WWP1: variants seen among roughly 807,000 people sequenced by gnomAD.
WWP1 encodes NEDD4-like E3 ubiquitin-protein ligase WWP1.
WWP1 carries 49 observed loss-of-function variants against 130.6 expected under a neutral mutation model. The ratio of observed to expected loss-of-function variants is 0.38; its 90% CI spans 0.30 to 0.48. The LOEUF is 0.48. Ranked by LOEUF, WWP1 falls within the 20% of genes least tolerant of loss-of-function variation. The pLI is 0.99. For synonymous variants in WWP1, 332 were observed against 367.8 expected (o/e 0.90, Z 1.11); for missense variants, 809 against 1,100.6 (o/e 0.74, Z 3.75).
chr8:86,377,146 C>T (rs559455905), intron 3 of WWP1, among the ~76,000 whole-genome samples: 228 of 152,040 alleles, frequency 1.5e-3, no homozygotes, highest in Admixed American at 3.1e-3. Context: ...AGTGCAGTGG[C>T]GTGATCTTGG....
chr8:86,361,461 CAT>C (rs1438553260), intron 1 of WWP1, among the ~76,000 whole-genome samples: 1 of 152,084 alleles, frequency 6.6e-6, no homozygotes, highest in Non-Finnish European at 1.5e-5. Flanking sequence ...CTAAAATACA[CAT>C]ATATTCCTTC....
intron 10 of WWP1, among the ~76,000 whole-genome samples, chr8:86,425,619 G>C (rs1429417493): frequency 2.6e-5 from 4 of 151,944 alleles, no homozygotes; most frequent in African/African-American, 9.7e-5. Context: ...TTATATGTAT[G>C]GTTCTCCATG....
At chr8:86,358,858 A>G (rs1823402084) in intron 1 of WWP1, among the ~76,000 whole-genome samples, 1 of 152,064 alleles carries the variant, frequency 6.6e-6, no homozygotes, top group Non-Finnish European at 1.5e-5. Flanking sequence ...CTGGAATTAC[A>G]ATGAAGCTTG....
intron 5 of WWP1, among the ~76,000 whole-genome samples, chr8:86,395,795 G>C (rs999023442): frequency 2.0e-5 from 3 of 152,182 alleles, no homozygotes; most frequent in Non-Finnish European, 4.4e-5. Context: ...TATCTTCAAA[G>C]AGTTGAGATC....
At chr8:86,397,061 T>C (rs775228665) in intron 5 of WWP1, among the ~76,000 whole-genome samples, 4 of 152,228 alleles carry the variant, frequency 2.6e-5, no homozygotes, top group Non-Finnish European at 5.9e-5. Context: ...TTAGTAGTTC[T>C]AGATTTTTGT....
At chr8:86,443,956 G>A (rs1220361347) in intron 18 of WWP1, among the ~76,000 whole-genome samples, 7 of 152,204 alleles carry the variant, frequency 4.6e-5, no homozygotes, top group Admixed American at 4.6e-4. Context: ...TCACATAAGA[G>A]TTGAGTAGGG....
intron 1 of WWP1, among the ~76,000 whole-genome samples, chr8:86,351,638 A>C (rs571597063): frequency 6.6e-6 from 1 of 151,400 alleles, no homozygotes. Context: ...CCAAATAAAC[A>C]AAAAAAAAGT....
intron 11 of WWP1, among the ~76,000 whole-genome samples, chr8:86,429,891 G>A (rs545461467): frequency 1.2e-3 from 180 of 152,154 alleles, no homozygotes; most frequent in Non-Finnish European, 2.0e-3. Context: ...TCTCCTCTTC[G>A]TGACATTTTA....
intron 5 of WWP1, among the ~76,000 whole-genome samples, chr8:86,388,091 T>C (rs1825391674): frequency 6.6e-6 from 1 of 152,178 alleles, no homozygotes; most frequent in African/African-American, 2.4e-5. Context: ...GGCCGCTGGC[T>C]ACTGTATTGG....
At position 86,402,209 on chromosome 8, in the gene WWP1, C is replaced by G; in HGVS notation, c.724+6C>G. Reference sequence around the variant, plus strand: ...TGAGCCTGCCGATGACACTGGTAAGCAAGGCTATTTATGACACCTTGTTTA... The same window carrying G: ...TGAGCCTGCCGATGACACTGGTAAGGAAGGCTATTTATGACACCTTGTTTA... On this transcript the variant is annotated splice_donor_region_variant and intron_variant, in intron 8 of 24. Coordinates refer to ENST00000517970, the MANE Select transcript of WWP1 (RefSeq NM_007013.4). 1 of 1,612,274 alleles carries G rather than the reference C, an allele frequency of 6.2e-7. No individual in the cohort carries two copies. Among genetic ancestry groups the G allele is most frequent in the Non-Finnish European group, 8.5e-7 (1 of 1,179,180 alleles).
At chr8:86,380,583 A>G in intron 3 of WWP1, 143 bp from the exon 4 acceptor site, 1 of 861,688 alleles carries the variant, frequency 1.2e-6, no homozygotes, top group Non-Finnish European at 1.7e-6. Context: ...CATTATCAGT[A>G]GCCCTTTTGT....
intron 10 of WWP1, 50 bp downstream of exon 10, chr8:86,425,368 G>T: frequency 1.4e-6 from 2 of 1,454,528 alleles, no homozygotes; most frequent in Non-Finnish European, 1.9e-6. Flanking sequence ...TCACACATGT[G>T]GTTTTTAAAT....
At position 86,398,608 on chromosome 8, in the gene WWP1, AT is replaced by A; in HGVS notation, c.510del (p.Asn170LysfsTer20). 1 of 1,612,636 alleles carries A rather than the reference AT, an allele frequency of 6.2e-7. No individual in the cohort carries two copies. Among genetic ancestry groups the A allele is most frequent in the Non-Finnish European group, 8.5e-7 (1 of 1,179,766 alleles). On this transcript the variant is annotated frameshift_variant, in exon 7 of 25. Coordinates refer to ENST00000517970, the MANE Select transcript of WWP1 (RefSeq NM_007013.4). LOFTEE classifies it high-confidence loss of function. ...GAAAATGGTGATGCCTTACATGAAA[AT>A]GGAGAGCCTTCAGCAAGGACAACTG... ...IQENGDALHENGEPSARTTAR... is the reference protein window; with the variant it reads ...IQENGDALHEXGEPSARTTAR...
intron 24 of WWP1, 93 bp downstream of exon 24, chr8:86,461,939 T>G: frequency 2.0e-6 from 2 of 1,009,320 alleles, no homozygotes; most frequent in Non-Finnish European, 3.0e-6. Flanking sequence ...TATAACTGCT[T>G]ATTCATTAAA....
intron 2 of WWP1, among the ~76,000 whole-genome samples, chr8:86,373,473 G>A (rs985211083): frequency 6.6e-6 from 1 of 151,954 alleles, no homozygotes; most frequent in Non-Finnish European, 1.5e-5. Flanking sequence ...TGTATTTTGA[G>A]GCTTCCCACC....
At chr8:86,440,731 T>C (rs1250371405) in intron 17 of WWP1, 1 of 451,212 alleles carries the variant, frequency 2.2e-6, no homozygotes, top group Non-Finnish European at 4.4e-6. Context: ...ACATCAGTCA[T>C]GGGTATGTGG....
chr8:86,458,623 A>C (rs536176068), intron 22 of WWP1, among the ~76,000 whole-genome samples: 51 of 152,316 alleles, frequency 3.3e-4, no homozygotes, highest in African/African-American at 1.2e-3. Flanking sequence ...GATATTCTTC[A>C]GATAACTACT....
At chr8:86,370,019 A>G (rs1824196893) in intron 2 of WWP1, among the ~76,000 whole-genome samples, 1 of 152,284 alleles carries the variant, frequency 6.6e-6, no homozygotes, top group African/African-American at 2.4e-5. Flanking sequence ...ATCAATCCCA[A>G]TATGGTTAAA....
intron 10 of WWP1, among the ~76,000 whole-genome samples, chr8:86,427,305 T>A (rs372834946): frequency 6.6e-6 from 1 of 152,136 alleles, no homozygotes; most frequent in South Asian, 2.1e-4. Flanking sequence ...CTAGATGATG[T>A]GTTGATAGCT....
Sources: allele counts gnomAD v4.1 joint callset (sites outside exome capture counted in the v4.1 genomes callset), GRCh38; gene constraint gnomAD v4.1.1; transcripts MANE v1.5; gene names NCBI Gene and HGNC (gene_info 2026-07-23, HGNC 2026-07-21).